RMDN1: variants seen among roughly 807,000 people sequenced by gnomAD.
The protein encoded by RMDN1 is regulator of microtubule dynamics 1.
Under a neutral mutation model 48.9 loss-of-function variants are expected in RMDN1, and 48 were observed. That is an observed-to-expected ratio of 0.98 (90% confidence interval 0.78 to 1.25). RMDN1 has a LOEUF of 1.25. Among genes scored for constraint, RMDN1 ranks in the 50% most tolerant of loss-of-function variants. The pLI, the probability that RMDN1 is intolerant of heterozygous loss-of-function variation, is 0.00. For synonymous variants in RMDN1, 148 were observed against 132.6 expected (o/e 1.12, Z -0.80); for missense variants, 418 against 373.4 (o/e 1.12, Z -0.98).
rs116467942 is a variant in RMDN1 at position 86,493,791 on chromosome 8, C to T, written c.248-5152G>A. 9.9e-3 allele frequency among the ~76,000 whole-genome samples: 1,507 copies of T among 152,206 alleles called. 30 individuals are homozygous for T. The highest frequency in any genetic ancestry group is 0.035 in the African/African-American group (1,437 of 41,504). Reference sequence around the variant, plus strand: ...TTATTTAAAATCTTGTATAAAATTACCTTCAGGTTATGTGCATAAGATATA... The same window carrying T: ...TTATTTAAAATCTTGTATAAAATTATCTTCAGGTTATGTGCATAAGATATA... On this transcript the variant is annotated intron_variant, in intron 2 of 9. Transcript: ENST00000406452.
chr8:86,512,283 A>G (rs1246485131), upstream of RMDN1, among the ~76,000 whole-genome samples: 2 of 152,236 alleles, frequency 1.3e-5, no homozygotes, highest in African/African-American at 2.4e-5. Flanking sequence ...TTGCAATCCA[A>G]TTAGTGGTGC....
At chr8:86,489,978 C>CA (rs373016697) in intron 2 of RMDN1, among the ~76,000 whole-genome samples, 23 of 151,392 alleles carry the variant, frequency 1.5e-4, no homozygotes, top group African/African-American at 3.2e-4. Flanking sequence ...ATGACAATGG[C>CA]AAAAAAAACC....
Position 86,507,122 on chromosome 8 carries a change from C to A in RMDN1, c.130-10G>T, listed in dbSNP as rs772126181. On this transcript the variant is annotated splice_polypyrimidine_tract_variant and intron_variant, in intron 1 of 9. Transcript: ENST00000406452. ...CTGGGTTTCCCATTACCTATGGAAA[C>A]AATTATGTTAAGAGTTACAAACTTT... is the stretch of plus-strand genomic sequence containing the variant. 1.3e-6 allele frequency: 2 copies of A among 1,516,150 alleles called. No homozygotes were observed. The highest frequency in any genetic ancestry group is 1.8e-6 in the Non-Finnish European group (2 of 1,091,760). 93.9% of individuals were successfully genotyped at this position (1,516,150 alleles called of 1,614,324 possible). A position where few individuals can be genotyped will look rare whatever the true frequency, so the allele number is the denominator to read the frequency against.
At position 86,480,266 on chromosome 8, in the gene RMDN1, A is replaced by G. The variant is rs1160409819; in HGVS notation, c.641+11T>C. ...TAAATACTACTGAAATATTTAAAGA[A>G]ATTTTCTTACCAAATACCCATAAGG... On this transcript the variant is annotated intron_variant, in intron 6 of 9. Coordinates refer to ENST00000406452, the MANE Select transcript of RMDN1 (RefSeq NM_016033.3). 1 of 1,452,930 alleles carries G rather than the reference A, an allele frequency of 6.9e-7. No homozygotes were observed. Among genetic ancestry groups the G allele is most frequent in the Non-Finnish European group, 9.4e-7 (1 of 1,061,186 alleles). The allele number at this position is 1,452,930 out of a possible 1,614,324, so 90.0% of individuals were successfully genotyped here.
At position 86,490,948 on chromosome 8, in the gene RMDN1, A is replaced by G. The variant is rs181885766; in HGVS notation, c.248-2309T>C. Reference sequence around the variant, plus strand: ...TGAGGTGGAAGGATCACTTGACCCCAGAAGTTCAAGACCAGCTTGGGCAAG... The same window carrying G: ...TGAGGTGGAAGGATCACTTGACCCCGGAAGTTCAAGACCAGCTTGGGCAAG... On this transcript the variant is annotated intron_variant, in intron 2 of 9. Coordinates refer to ENST00000406452, the MANE Select transcript of RMDN1 (RefSeq NM_016033.3). 2.0e-3 allele frequency among the ~76,000 whole-genome samples: 302 copies of G among 152,044 alleles called. 2 individuals are homozygous for G. The highest frequency in any genetic ancestry group is 4.4e-3 in the East Asian group (23 of 5,176).
In RMDN1 at chr8:86,505,237, G is replaced by T. The variant is rs1819120873; in HGVS notation, c.247+1758C>A. On this transcript the variant is annotated intron_variant, in intron 2 of 9. Coordinates refer to ENST00000406452, the MANE Select transcript of RMDN1 (RefSeq NM_016033.3). ...GCTGGGGTTTGTTGGATTTTCAATG[G>T]TTTTTTAAATATTTTATTTCCTGGA... 8 of 562,984 alleles carry T rather than the reference G, an allele frequency of 1.4e-5. 1 individual carries two copies. The highest frequency in any genetic ancestry group is 1.2e-4 in the South Asian group (8 of 64,736). The allele number at this position is 562,984 out of a possible 1,614,324, so 34.9% of individuals were successfully genotyped here.
rs2130348480 is a variant in RMDN1, at chr8:86,472,729, A to G, written c.*1579T>C. On this transcript the variant is annotated 3_prime_UTR_variant, in exon 10 of 10. Transcript: ENST00000406452. ...TTTACTGTTAAGTACTTATGCATGA[A>G]TAAGTATAAGAAAATAACTGCTTAT... is the stretch of plus-strand genomic sequence containing the variant. The G allele has an allele frequency of 4.5e-6, 2 of 447,752 alleles. No homozygotes were observed. The highest frequency in any genetic ancestry group is 3.6e-5 in the East Asian group (1 of 27,654). The allele number at this position is 447,752 out of a possible 1,614,324, so 27.7% of individuals were successfully genotyped here. A position where few individuals can be genotyped will look rare whatever the true frequency, so the allele number is the denominator to read the frequency against.
intron 2 of RMDN1, among the ~76,000 whole-genome samples, chr8:86,500,286 A>AC (rs2131161168): frequency 6.6e-6 from 1 of 152,322 alleles, no homozygotes; most frequent in South Asian, 2.1e-4. Flanking sequence ...TATGCATCTG[A>AC]CAAAGGTCTA....
chr8:86,475,167 T>G, intron 8 of RMDN1: 1 of 431,918 alleles, frequency 2.3e-6, no homozygotes, highest in East Asian at 3.9e-5. Context: ...TGCTAGGCAC[T>G]GCATTATACA....
At chr8:86,482,744 C>T (rs1814750023) in intron 5 of RMDN1, 4 of 993,490 alleles carry the variant, frequency 4.0e-6, no homozygotes, top group African/African-American at 1.6e-5. Context: ...AAGCAGGTGG[C>T]GCCATAACCT....
intron 7 of RMDN1, among the ~76,000 whole-genome samples, chr8:86,477,608 C>T (rs1039352678): frequency 3.3e-5 from 5 of 152,144 alleles, no homozygotes; most frequent in Non-Finnish European, 5.9e-5. Flanking sequence ...AACATTATCA[C>T]GTGTAACTCA....
chr8:86,476,182 C>T (rs1813342882), intron 8 of RMDN1, among the ~76,000 whole-genome samples: 2 of 152,238 alleles, frequency 1.3e-5, no homozygotes, highest in Middle Eastern at 3.4e-3. Flanking sequence ...ACCCTTAAGT[C>T]TCTAAGGTCC....
chr8:86,503,366 C>CAACAAAAAAAAAAA (rs1818619457), intron 2 of RMDN1, among the ~76,000 whole-genome samples: 1 of 70,492 alleles, frequency 1.4e-5, no homozygotes, highest in African/African-American at 3.8e-5. Flanking sequence ...CAAAACAAAA[C>CAACAAAAAAAAAAA]AAAACAAAAA....
intron 3 of RMDN1, among the ~76,000 whole-genome samples, chr8:86,487,228 T>C (rs938443493): frequency 1.7e-4 from 26 of 152,234 alleles, no homozygotes; most frequent in African/African-American, 5.3e-4. Flanking sequence ...ATTGGATTCT[T>C]TGAAGAACTG....
chr8:86,484,967 A>T lies in RMDN1; in HGVS notation c.496-6T>A. 2 of 1,533,732 alleles carry T rather than the reference A, an allele frequency of 1.3e-6. No individual in the cohort carries two copies. The highest frequency in any genetic ancestry group is 1.8e-6 in the Non-Finnish European group (2 of 1,118,748). On this transcript the variant is annotated splice_region_variant and splice_polypyrimidine_tract_variant and intron_variant, in intron 4 of 9. Coordinates refer to ENST00000406452, the MANE Select transcript of RMDN1 (RefSeq NM_016033.3). ...CTAAGGCAGATTGCATACCACTGAA[A>T]ATTTAAAAAAGTGTAAGAACAATAA...
upstream of RMDN1, chr8:86,508,834 G>A: frequency 7.9e-7 from 1 of 1,265,350 alleles, no homozygotes; most frequent in Non-Finnish European, 9.9e-7. Flanking sequence ...GGACTTAATG[G>A]ACTTTCCGCG....
chr8:86,489,876 T>C (rs1816204045), intron 2 of RMDN1, among the ~76,000 whole-genome samples: 1 of 151,490 alleles, frequency 6.6e-6, no homozygotes. Context: ...TTTTAAAAAA[T>C]TAGCAAAAAG....
At position 86,508,590 on chromosome 8, in the gene RMDN1, G is replaced by C; in HGVS notation, c.31C>G (p.Leu11Val). Residue 11 changes from leucine (L) to valine (V), a missense_variant, in exon 1 of 10, where the codon CTG becomes GTG. Coordinates refer to ENST00000406452, the MANE Select transcript of RMDN1 (RefSeq NM_016033.3). ...GGGGCGGCTCCACGTCGGAAAGGCA[G>C]AAGGCGCCACAGTCGAGCAGCCAGC... The part of the protein sequence containing the change: MALAARLWRL[L>V]PFRRGAAPGS... 1 of 1,605,476 alleles carries C rather than the reference G, an allele frequency of 6.2e-7. No homozygotes were observed. Among genetic ancestry groups the C allele is most frequent in the Non-Finnish European group, 8.5e-7 (1 of 1,177,322 alleles).
At chr8:86,482,992 A>T in intron 5 of RMDN1, 2 of 678,670 alleles carry the variant, frequency 2.9e-6, no homozygotes, top group South Asian at 3.3e-5. Context: ...CCCCTCGATG[A>T]GCAGTGGCAT....
Sources: allele counts gnomAD v4.1 joint callset (sites outside exome capture counted in the v4.1 genomes callset), GRCh38; gene constraint gnomAD v4.1.1; transcripts MANE v1.5; gene names NCBI Gene and HGNC (gene_info 2026-07-23, HGNC 2026-07-21).